The following NDUFA12 variants were observed in gnomAD, a reference collection of about 807,000 sequenced individuals.
NDUFA12 encodes NADH:ubiquinone oxidoreductase subunit A12, also known as NADH dehydrogenase [ubiquinone] 1 alpha subcomplex subunit 12.
A neutral mutation model predicts 20.3 loss-of-function variants in NDUFA12; 17 were observed. The ratio of observed to expected loss-of-function variants is 0.84; its 90% CI spans 0.57 to 1.26. NDUFA12 has a LOEUF of 1.26. Ranked by LOEUF, NDUFA12 falls within the 50% of genes most tolerant of loss-of-function variation. NDUFA12 has a pLI of 0.00. For missense variants in NDUFA12, 191 were observed against 183.7 expected, an observed-to-expected ratio of 1.04 and a Z score of -0.23; for synonymous variants, 72 against 63.6, an observed-to-expected ratio of 1.13 and a Z score of -0.63.
In NDUFA12 at chr12:94,971,481, T is replaced by C. The variant is rs1198036202; in HGVS notation, c.397A>G (p.Lys133Glu). The change falls in exon 4 of 4, where the codon AAG becomes GAG. Residue 133 changes from lysine to glutamate, a missense_variant. Physicochemically the swap from Lys to Glu is moderately conservative, Grantham distance 56 (BLOSUM62 1). Coordinates refer to ENST00000327772, the MANE Select transcript of NDUFA12 (RefSeq NM_018838.5). ...QYVPYSTTRK[K>E]IQEWIPPSTP... ...GAAGGTGGGATCCACTCCTGAATCT[T>C]CTTTCTAGTGGTAGAATAAGGTACA... 1.2e-6 allele frequency: 2 copies of C among 1,613,920 alleles called. No individual in the cohort carries two copies. The highest frequency in any genetic ancestry group is 3.3e-5 in the Admixed American group (2 of 60,010).
chr12:95,001,660 T>G (rs913052484), intron 2 of NDUFA12, among the ~76,000 whole-genome samples: 1 of 152,138 alleles, frequency 6.6e-6, no homozygotes, highest in Non-Finnish European at 1.5e-5. Context: ...TTTTAAAATA[T>G]AATAAAACAA....
intron 3 of NDUFA12, among the ~76,000 whole-genome samples, chr12:94,981,574 C>T (rs536396128): frequency 6.6e-6 from 1 of 152,028 alleles, no homozygotes; most frequent in African/African-American, 2.4e-5. Flanking sequence ...GAGAATAAAA[C>T]ATATAGGAAA....
At chr12:95,001,419 A>G (rs1424201986) in intron 2 of NDUFA12, among the ~76,000 whole-genome samples, 1 of 152,166 alleles carries the variant, frequency 6.6e-6, no homozygotes, top group East Asian at 1.9e-4. Flanking sequence ...CAGGAATTCA[A>G]GACCAGCCTA....
At chr12:94,981,118 G>GA (rs1874223906) in intron 3 of NDUFA12, among the ~76,000 whole-genome samples, 1 of 152,054 alleles carries the variant, frequency 6.6e-6, no homozygotes, top group South Asian at 2.1e-4. Context: ...GAAAAAAAAA[G>GA]AAAGAAAAAG....
intron 3 of NDUFA12, among the ~76,000 whole-genome samples, chr12:94,973,469 G>A (rs375367197): frequency 6.6e-6 from 1 of 152,214 alleles, no homozygotes; most frequent in East Asian, 1.9e-4. Context: ...AGCTGTTAAA[G>A]TCAAGGCTGT....
intron 2 of NDUFA12, among the ~76,000 whole-genome samples, chr12:94,995,605 C>A (rs1181578923): frequency 1.3e-5 from 2 of 152,200 alleles, no homozygotes; most frequent in African/African-American, 4.8e-5. Context: ...CCTCGGCTCA[C>A]TGCCTGCAAC....
chr12:94,983,416 C>T (rs1350321539), intron 3 of NDUFA12, among the ~76,000 whole-genome samples: 1 of 152,140 alleles, frequency 6.6e-6, no homozygotes, highest in African/African-American at 2.4e-5. Context: ...AGCCAGACGC[C>T]ATGTCAAGAG....
chr12:94,972,332 A>G, intron 3 of NDUFA12: 1 of 327,618 alleles, frequency 3.1e-6, no homozygotes, highest in Non-Finnish European at 6.3e-6. Flanking sequence ...TATGGCCACT[A>G]CTGATTATAA....
chr12:94,975,063 C>T (rs1874023998), intron 3 of NDUFA12, among the ~76,000 whole-genome samples: 2 of 152,112 alleles, frequency 1.3e-5, no homozygotes, highest in South Asian at 4.1e-4. Context: ...GGGATGGGTA[C>T]CCCATTTTCC....
rs71075895 is a variant in NDUFA12, at chr12:95,002,437, CA to C, written c.169+301del. Among the ~76,000 whole-genome samples the C allele has an allele frequency of 4.6e-3, 294 of 63,596 alleles. 5 individuals are homozygous for C. The highest frequency in any genetic ancestry group is 0.013 in the African/African-American group (194 of 14,392). 41.7% of individuals were successfully genotyped at this position (63,596 alleles called of 152,430 possible). The stretch of plus-strand genomic sequence containing the variant: ...AGCCTGGCCGACAGAGACTCCATCT[CA>C]AAAAAAAAAAAAAAAAAAAAAAAAA... On this transcript the variant is annotated intron_variant, in intron 2 of 3. Coordinates refer to ENST00000327772, the MANE Select transcript of NDUFA12 (RefSeq NM_018838.5).
intron 3 of NDUFA12, among the ~76,000 whole-genome samples, chr12:94,981,942 G>C (rs74572258): frequency 2.0e-5 from 3 of 152,188 alleles, no homozygotes; most frequent in Non-Finnish European, 2.9e-5. Context: ...CTTTAGACCA[G>C]AGAGATAAAA....
At chr12:94,988,809 C>G (rs10859817) in intron 3 of NDUFA12, among the ~76,000 whole-genome samples, 70,553 of 152,096 alleles carry the variant, frequency 0.46, 17,172 homozygotes, top group African/African-American at 0.6. Flanking sequence ...TAGGCATCAG[C>G]CCACCTGCAC....
chr12:94,992,317 G>A (rs1227028150), intron 3 of NDUFA12, among the ~76,000 whole-genome samples: 1 of 152,104 alleles, frequency 6.6e-6, no homozygotes, highest in African/African-American at 2.4e-5. Flanking sequence ...AGGAATTTTA[G>A]GGCTCTCATT....
At chr12:94,983,562 CAGCTGTAACCT>C (rs1258357262) in intron 3 of NDUFA12, among the ~76,000 whole-genome samples, 1 of 152,190 alleles carries the variant, frequency 6.6e-6, no homozygotes. Flanking sequence ...GAGAAGATCT[CAGCTGTAACCT>C]TGTGAGACCC....
At chr12:94,973,440 A>T (rs1038369028) in intron 3 of NDUFA12, among the ~76,000 whole-genome samples, 3 of 152,216 alleles carry the variant, frequency 2.0e-5, no homozygotes, top group African/African-American at 7.2e-5. Flanking sequence ...GGCTCCACTA[A>T]CCACTCAGAG....
At chr12:94,974,411 A>G (rs1034963952) in intron 3 of NDUFA12, among the ~76,000 whole-genome samples, 2 of 152,232 alleles carry the variant, frequency 1.3e-5, no homozygotes, top group Non-Finnish European at 2.9e-5. Context: ...GTAAGTTAGT[A>G]CAACCATTAT....
intron 2 of NDUFA12, among the ~76,000 whole-genome samples, chr12:95,000,178 A>C (rs575225014): frequency 6.6e-5 from 10 of 152,354 alleles, no homozygotes; most frequent in Non-Finnish European, 1.3e-4. Flanking sequence ...CTTTGCAGCA[A>C]CTTGGATGGA....
chr12:94,984,308 C>T (rs1378978309), intron 3 of NDUFA12, among the ~76,000 whole-genome samples: 1 of 151,180 alleles, frequency 6.6e-6, no homozygotes, highest in Non-Finnish European at 1.5e-5. Context: ...ATCTTAGTTT[C>T]TAATACCACT....
rs756573882 is a variant in NDUFA12 at position 95,002,791 on chromosome 12, C to G, written c.117G>C (p.Val39=). The G allele has an allele frequency of 1.2e-6, 2 of 1,614,060 alleles. No individual in the cohort carries two copies. Among genetic ancestry groups the G allele is most frequent in the Admixed American group, 1.7e-5 (1 of 60,028 alleles). ...RTNDAKVGTL[V]GEDKYGNKYY... The stretch of plus-strand genomic sequence containing the variant: ...ATTTGTTTCCATATTTGTCTTCCCC[C>G]ACTAATGTACCAACCTTCGCATCAT... The change falls in exon 2 of 4, where the codon GTG becomes GTC. Residue 39 remains valine (V), a synonymous_variant. Transcript: ENST00000327772.
Sources: gnomAD v4.1 joint callset for allele counts (sites outside exome capture counted in the v4.1 genomes callset) on GRCh38, gnomAD v4.1.1 for gene constraint, MANE v1.5 for transcripts, NCBI Gene and HGNC (gene_info 2026-07-23, HGNC 2026-07-21) for gene names.